The following VAV3 variants were observed in gnomAD, a reference collection of about 807,000 sequenced individuals.
VAV3 encodes guanine nucleotide exchange factor VAV3.
VAV3 carries 94 observed loss-of-function variants against 131.2 expected under a neutral mutation model. That is an observed-to-expected ratio of 0.72 (90% CI 0.61 to 0.85). The LOEUF (loss-of-function observed/expected upper bound fraction) is 0.85, where lower values mean the gene tolerates loss of function less well. Ranked by LOEUF, VAV3 falls within the 40% of genes least tolerant of loss-of-function variation. The probability of loss-of-function intolerance (pLI) is 0.00; values close to 1 mark genes in which losing one functional copy is unlikely to be tolerated. For synonymous variants in VAV3, 349 were observed against 342.0 expected, an observed-to-expected ratio of 1.02 and a Z score of -0.22; for missense variants, 939 against 1,002.7, an observed-to-expected ratio of 0.94 and a Z score of 0.86.
At chr1:107,882,649 T>G (rs1167557479) in intron 1 of VAV3, among the ~76,000 whole-genome samples, 1 of 152,130 alleles carries the variant, frequency 6.6e-6, no homozygotes, top group Non-Finnish European at 1.5e-5. Flanking sequence ...ATATCTCTCT[T>G]TTAAAATTAG....
At chr1:107,899,252 G>A (rs1026403964) in intron 1 of VAV3, among the ~76,000 whole-genome samples, 1 of 152,138 alleles carries the variant, frequency 6.6e-6, no homozygotes, top group Admixed American at 6.5e-5. Context: ...ATAGAAGAGA[G>A]TGTCAAGGGC....
At chr1:107,575,012 CGCGCACACGCGCGCGT>C (rs759730144) in intron 25 of VAV3, among the ~76,000 whole-genome samples, 719 of 21,006 alleles carry the variant, frequency 0.034, 9 homozygotes, top group Admixed American at 0.11. Context: ...CGCGCGCGCG[CGCGCACACGCGCGCGT>C]GTTTAATATT....
At chr1:107,622,685 A>G (rs1265289318) in intron 20 of VAV3, among the ~76,000 whole-genome samples, 1 of 152,162 alleles carries the variant, frequency 6.6e-6, no homozygotes, top group Non-Finnish European at 1.5e-5. Context: ...AACACTCTCA[A>G]TGTATGCACG....
At chr1:107,683,631 T>C in intron 18 of VAV3, 98 bp from the exon 19 acceptor site, 3 of 1,199,342 alleles carry the variant, frequency 2.5e-6, no homozygotes, top group South Asian at 1.3e-5. Context: ...CAAATGAATG[T>C]TGCACATTTT....
rs148976164 is a variant in VAV3 at position 107,923,828 on chromosome 1, C to G, written c.204+40838G>C. Among the ~76,000 whole-genome samples, 307 of 152,192 alleles carry G rather than the reference C, an allele frequency of 2.0e-3. 2 individuals carry two copies. The highest frequency in any genetic ancestry group is 1.9e-3 in the East Asian group (10 of 5,180). ...ATTTCGGTGGGGACACAAAGCCTAA[C>G]CATATCAAGGCCCAAGGGGACTCAT... On this transcript the variant is annotated intron_variant, in intron 1 of 26. Coordinates refer to ENST00000370056, the MANE Select transcript of VAV3 (RefSeq NM_006113.5).
intron 20 of VAV3, among the ~76,000 whole-genome samples, chr1:107,631,447 C>T (rs1557717828): frequency 6.7e-6 from 1 of 149,256 alleles, no homozygotes; most frequent in Non-Finnish European, 1.5e-5. Context: ...TTTCTTCTTC[C>T]ACTCTAGTAT....
chr1:107,964,678 C>A lies in VAV3; in HGVS notation c.192G>T (p.Pro64=), dbSNP rs769550946. Residue 64 remains proline (P), a synonymous_variant, in exon 1 of 27, where the codon CCG becomes CCT. Coordinates refer to ENST00000370056, the MANE Select transcript of VAV3 (RefSeq NM_006113.5). ...CCGGCCTCCTCACCTGGGACATCTG[C>A]GGCCTCAGGTTGATCTCCTTCAGGT... ...SINLKEINLR[P]QMSQFLCLKN... 1.2e-6 allele frequency: 2 copies of A among 1,612,806 alleles called. No homozygotes were observed. Among genetic ancestry groups the A allele is most frequent in the East Asian group, 2.2e-5 (1 of 44,820 alleles).
At chr1:107,957,300 T>C (rs1030448374) in intron 1 of VAV3, among the ~76,000 whole-genome samples, 1 of 151,466 alleles carries the variant, frequency 6.6e-6, no homozygotes, top group African/African-American at 2.5e-5. Flanking sequence ...TCTCTATCCC[T>C]CTATTCACCT....
At chr1:107,690,604 A>G (rs17236050) in intron 17 of VAV3, among the ~76,000 whole-genome samples, 58,962 of 151,976 alleles carry the variant, frequency 0.39, 12,637 homozygotes, top group Non-Finnish European at 0.47. Flanking sequence ...CTCCCTTGTC[A>G]TTGTCTCCTG....
At chr1:107,785,591 G>A in intron 2 of VAV3, 1 of 1,171,622 alleles carries the variant, frequency 8.5e-7, no homozygotes, top group Non-Finnish European at 1.1e-6. Flanking sequence ...AGCAGCAGAG[G>A]CTCAAGGCAC....
intron 2 of VAV3, among the ~76,000 whole-genome samples, chr1:107,845,517 T>A (rs183823105): frequency 2.6e-5 from 4 of 152,178 alleles, no homozygotes; most frequent in Admixed American, 2.6e-4. Flanking sequence ...TAAAGAAGTA[T>A]GTTATAACCA....
chr1:107,880,211 C>A (rs747468633), intron 1 of VAV3, among the ~76,000 whole-genome samples: 1 of 152,178 alleles, frequency 6.6e-6, no homozygotes, highest in Non-Finnish European at 1.5e-5. Context: ...ATAACTGATA[C>A]ATGAGGTAAG....
chr1:107,677,751 G>A (rs1381570124), intron 19 of VAV3: 1 of 152,124 alleles, frequency 6.6e-6, no homozygotes, highest in Non-Finnish European at 1.5e-5. Flanking sequence ...TATTTCAGTA[G>A]TCATATTACT....
intron 2 of VAV3, among the ~76,000 whole-genome samples, chr1:107,817,043 T>C (rs893487510): frequency 1.3e-5 from 2 of 152,152 alleles, no homozygotes; most frequent in African/African-American, 2.4e-5. Flanking sequence ...AGCTATTCAA[T>C]CCTAAAAGAT....
At chr1:107,771,746 T>A (rs1665061947) in intron 5 of VAV3, among the ~76,000 whole-genome samples, 3 of 152,212 alleles carry the variant, frequency 2.0e-5, no homozygotes, top group South Asian at 4.1e-4. Context: ...GTTCACCCCA[T>A]CAGCTGAGTG....
intron 2 of VAV3, among the ~76,000 whole-genome samples, chr1:107,839,269 T>C (rs1469563550): frequency 1.3e-5 from 2 of 152,174 alleles, no homozygotes; most frequent in Non-Finnish European, 2.9e-5. Context: ...TGATAACCTA[T>C]TTTATTATAA....
At chr1:107,798,703 A>G (rs1174039270) in intron 2 of VAV3, among the ~76,000 whole-genome samples, 1 of 135,628 alleles carries the variant, frequency 7.4e-6, no homozygotes, top group African/African-American at 2.9e-5. Context: ...TGGGCAACAT[A>G]GCAAGACTCC....
At chr1:107,631,177 ACT>A (rs1227486700) in intron 20 of VAV3, among the ~76,000 whole-genome samples, 4 of 152,090 alleles carry the variant, frequency 2.6e-5, no homozygotes, top group Non-Finnish European at 4.4e-5. Context: ...CATAAAATAT[ACT>A]GTTTTATTTA....
chr1:107,772,932 C>T, intron 4 of VAV3, 89 bp from the exon 5 acceptor site: 1 of 1,130,670 alleles, frequency 8.8e-7, no homozygotes, highest in Middle Eastern at 2.0e-4. Flanking sequence ...AGTAAAAAAT[C>T]CAGAAAGGAA....
Sources: allele counts gnomAD v4.1 joint callset (sites outside exome capture counted in the v4.1 genomes callset), GRCh38; gene constraint gnomAD v4.1.1; transcripts MANE v1.5; gene names NCBI Gene and HGNC (gene_info 2026-07-23, HGNC 2026-07-21).